The following ZCCHC2 variants were observed in gnomAD, a reference collection of about 807,000 sequenced individuals.
ZCCHC2 encodes the protein zinc finger CCHC domain-containing protein 2.
In ZCCHC2, 39 loss-of-function variants were observed where a neutral mutation model predicts 103.6. The observed-to-expected ratio is 0.38, with a 90% confidence interval of 0.29 to 0.49. The LOEUF is 0.49. Ranked by LOEUF, ZCCHC2 falls within the 20% of genes least tolerant of loss-of-function variation. The pLI is 0.96. For missense variants in ZCCHC2, 1,483 were observed against 1,491.0 expected (o/e 0.99, Z 0.09); for synonymous variants, 687 against 608.9 (o/e 1.13, Z -1.89).
At chr18:62,545,085 T>C (rs1235417825) in intron 4 of ZCCHC2, among the ~76,000 whole-genome samples, 5 of 152,158 alleles carry the variant, frequency 3.3e-5, no homozygotes, top group Non-Finnish European at 7.3e-5. Context: ...AAGGGATTTC[T>C]ACATTTAAAA....
chr18:62,561,103 C>T (rs1916096880), intron 8 of ZCCHC2, among the ~76,000 whole-genome samples: 1 of 152,110 alleles, frequency 6.6e-6, no homozygotes, highest in Non-Finnish European at 1.5e-5. Context: ...TGTTTGTGTA[C>T]TCATTCCTTC....
At chr18:62,558,917 TA>T in intron 7 of ZCCHC2, 147 bp downstream of exon 7, 2 of 501,394 alleles carry the variant, frequency 4.0e-6, no homozygotes, top group Non-Finnish European at 7.1e-6. Flanking sequence ...GACCATTCAA[TA>T]AATGGTGTGT....
At chr18:62,524,428 C>T (rs1056566036) in intron 1 of ZCCHC2, 65 bp downstream of exon 1, 14 of 1,424,286 alleles carry the variant, frequency 9.8e-6, no homozygotes, top group Admixed American at 2.9e-5. Flanking sequence ...TCCCCGGCCT[C>T]GCTCTCGGAC....
intron 4 of ZCCHC2, among the ~76,000 whole-genome samples, chr18:62,545,336 T>G (rs1323742970): frequency 1.3e-5 from 2 of 152,164 alleles, no homozygotes; most frequent in African/African-American, 4.8e-5. Context: ...CAGATGAGGC[T>G]TGCTTCTGCT....
chr18:62,523,871 G>A lies in ZCCHC2; in HGVS notation c.447G>A (p.Glu149=), dbSNP rs1479622918. 3 of 1,543,624 alleles carry A rather than the reference G, an allele frequency of 1.9e-6. No individual in the cohort carries two copies. The highest frequency in any genetic ancestry group is 1.4e-5 in the African/African-American group (1 of 72,738). ...RKDYHYLRDS[E]AKANGLSDPG... ...ACTACCACTACCTGCGCGACTCGGAGGCCAAGGCCAACGGCCTCTCGGACC... is the reference window on the plus strand; with the variant it reads ...ACTACCACTACCTGCGCGACTCGGAAGCCAAGGCCAACGGCCTCTCGGACC... The change falls in exon 1 of 14, where the codon GAG becomes GAA. Residue 149 remains glutamate (E), a synonymous_variant. Coordinates refer to ENST00000269499, the MANE Select transcript of ZCCHC2 (RefSeq NM_017742.6).
At chr18:62,530,173 T>G (rs1914619729) in intron 1 of ZCCHC2, among the ~76,000 whole-genome samples, 1 of 152,150 alleles carries the variant, frequency 6.6e-6, no homozygotes, top group Admixed American at 6.5e-5. Flanking sequence ...TTTTTTTGTG[T>G]GGAGAAGGGG....
rs576913436 is a variant in ZCCHC2 at position 62,563,959 on chromosome 18, G to T, written c.1687-612G>T. 3.3e-5 allele frequency among the ~76,000 whole-genome samples: 5 copies of T among 152,238 alleles called. No homozygotes were observed. The South Asian group carries it at 6.2e-4, about 19-fold the overall frequency. ...TCATGTCGTATGGCCTCGCAGATAT[G>T]GGGGGAGGTCCCTGTGTATATGTTA... On this transcript the variant is annotated intron_variant, in intron 9 of 13. Transcript: ENST00000269499.
intron 1 of ZCCHC2, among the ~76,000 whole-genome samples, chr18:62,533,900 A>C (rs1914807898): frequency 6.7e-6 from 1 of 150,222 alleles, no homozygotes; most frequent in South Asian, 2.1e-4. Context: ...AAGACTAAGT[A>C]TATCAGGCAG....
Position 62,578,072 on chromosome 18 carries a change from G to C in ZCCHC2, c.*1493G>C, listed in dbSNP as rs1379408609. 2.6e-5 allele frequency: 4 copies of C among 151,600 alleles called. No individual in the cohort carries two copies. The highest frequency in any genetic ancestry group is 5.9e-5 in the Non-Finnish European group (4 of 67,860). The allele number at this position is 151,600 out of a possible 1,614,324, so 9.4% of individuals were successfully genotyped here. ...GATTGCTAGACAAGAGAAAAAACTT[G>C]AAGAAAAAAGAAGCTTAATTTCATG... On this transcript the variant is annotated 3_prime_UTR_variant, in exon 14 of 14. Transcript: ENST00000269499.
At chr18:62,562,844 G>C (rs1916183870) in intron 8 of ZCCHC2, among the ~76,000 whole-genome samples, 165 bp from the exon 9 acceptor site, 1 of 152,224 alleles carries the variant, frequency 6.6e-6, no homozygotes, top group Admixed American at 6.5e-5. Context: ...TAGATGTGTA[G>C]TGGTTTATTT....
chr18:62,540,391 T>C (rs566574135), intron 2 of ZCCHC2, among the ~76,000 whole-genome samples: 2 of 151,904 alleles, frequency 1.3e-5, no homozygotes, highest in South Asian at 4.2e-4. Flanking sequence ...ATGATAAGCT[T>C]CACACTCAGT....
intron 11 of ZCCHC2, among the ~76,000 whole-genome samples, chr18:62,569,447 G>C (rs1306457772): frequency 6.6e-6 from 1 of 151,918 alleles, no homozygotes; most frequent in Non-Finnish European, 1.5e-5. Flanking sequence ...AATTACGCTA[G>C]CTACTGGGTT....
At chr18:62,556,602 C>T (rs1242206349) in intron 6 of ZCCHC2, among the ~76,000 whole-genome samples, 11 of 152,126 alleles carry the variant, frequency 7.2e-5, no homozygotes, top group African/African-American at 1.7e-4. Context: ...TACAGTGCCA[C>T]GTGCTGGTGT....
rs1395090867 is a variant in ZCCHC2, at chr18:62,575,509, C to T, written c.3428C>T (p.Ala1143Val). 2.2e-5 allele frequency: 35 copies of T among 1,613,918 alleles called. No individual in the cohort carries two copies. The highest frequency in any genetic ancestry group is 2.9e-5 in the Non-Finnish European group (34 of 1,179,900). ...AATTGTGGTGTAAGCGGACACTATG[C>T]ACAGGACTGTAAGCAGTCGTCCATG... Reference protein sequence around the residue: ...CYNCGVSGHYAQDCKQSSMEA... With the variant: ...CYNCGVSGHYVQDCKQSSMEA... Residue 1143 changes from alanine (A) to valine (V), a missense_variant, in exon 13 of 14, where the codon GCA becomes GTA. By Grantham distance (64) the Ala-to-Val change is moderately conservative. Around this residue, in one of 3 missense-constraint regions of ZCCHC2, gnomAD observed 884 missense variants for 907.5 expected, o/e 0.97. Coordinates refer to ENST00000269499, the MANE Select transcript of ZCCHC2 (RefSeq NM_017742.6).
chr18:62,551,497 A>T (rs1915662916), intron 5 of ZCCHC2: 1 of 152,468 alleles, frequency 6.6e-6, no homozygotes, highest in South Asian at 2.1e-4. Context: ...TTAACAAATG[A>T]TGGACAGTTA....
downstream of ZCCHC2, among the ~76,000 whole-genome samples, chr18:62,579,923 G>T (rs1381881680): frequency 6.6e-6 from 1 of 152,014 alleles, no homozygotes; most frequent in Non-Finnish European, 1.5e-5. Context: ...TAGAGAAGGG[G>T]TTTCACTGTG....
intron 7 of ZCCHC2, 68 bp from the exon 8 acceptor site, chr18:62,560,519 A>G (rs1916070051): frequency 7.8e-7 from 1 of 1,275,836 alleles, no homozygotes; most frequent in South Asian, 1.2e-5. Context: ...CATACAAACT[A>G]GTAGCATCCT....
At chr18:62,534,311 T>TA (rs11403938) in intron 1 of ZCCHC2, among the ~76,000 whole-genome samples, 66,038 of 143,836 alleles carry the variant, frequency 0.46, 15,840 homozygotes, top group East Asian at 0.69. Flanking sequence ...GATCCTGTCT[T>TA]AAAAAAAAAA....
chr18:62,557,548 G>A lies in ZCCHC2; in HGVS notation c.1409-1139G>A, dbSNP rs894278606. ...TGTGATTAGTTGACCAAGACAAAAT[G>A]TACAACTTCATGATTAAATTTATGT... On this transcript the variant is annotated intron_variant, in intron 6 of 13. Coordinates refer to ENST00000269499, the MANE Select transcript of ZCCHC2 (RefSeq NM_017742.6). Among the ~76,000 whole-genome samples the A allele has an allele frequency of 6.6e-5, 10 of 152,298 alleles. No homozygotes were observed. The South Asian group carries it at 1.0e-3, about 16-fold the overall frequency.
Sources: allele counts gnomAD v4.1 joint callset (sites outside exome capture counted in the v4.1 genomes callset), GRCh38; gene constraint gnomAD v4.1.1; regional missense constraint gnomAD v4.1.1; transcripts MANE v1.5; gene names NCBI Gene and HGNC (gene_info 2026-07-23, HGNC 2026-07-21).